The following ANKS1B variants were observed in gnomAD, a reference collection of about 807,000 sequenced individuals.
The protein encoded by ANKS1B is ankyrin repeat and sterile alpha motif domain-containing protein 1B.
In ANKS1B, 36 loss-of-function variants were observed where a neutral mutation model predicts 148.3. The ratio of observed to expected loss-of-function variants is 0.24; its 90% confidence interval spans 0.19 to 0.32. ANKS1B has a LOEUF of 0.32. Ranked by LOEUF, ANKS1B falls within the 10% of genes least tolerant of loss-of-function variation. The pLI is 1.00. For missense variants in ANKS1B, 1,157 were observed against 1,542.6 expected, an observed-to-expected ratio of 0.75 and a Z score of 4.19; for synonymous variants, 542 against 560.8, an observed-to-expected ratio of 0.97 and a Z score of 0.47.
In ANKS1B at chr12:99,718,704, T is replaced by C. The variant is rs563679824; in HGVS notation, c.1128+54218A>G. On this transcript the variant is annotated intron_variant, in intron 8 of 26. Coordinates refer to ENST00000683438, the MANE Select transcript of ANKS1B (RefSeq NM_001352186.2). ...TGCCAAACCCATATACTCTCCTATC[T>C]TCAATACCTCCCTCAACAACCCATT... 2.9e-3 allele frequency among the ~76,000 whole-genome samples: 441 copies of C among 152,310 alleles called. 1 individual carries two copies. Among genetic ancestry groups the C allele is most frequent in the Middle Eastern group, 0.014 (4 of 294 alleles).
At chr12:99,560,313 C>T (rs2097319807) in intron 9 of ANKS1B, among the ~76,000 whole-genome samples, 1 of 151,848 alleles carries the variant, frequency 6.6e-6, no homozygotes, top group South Asian at 2.1e-4. Context: ...CACACGTTAC[C>T]TCAATAGATA....
chr12:99,959,227 A>ATTTTTTATTT (rs2095370810), intron 1 of ANKS1B, among the ~76,000 whole-genome samples: 1 of 99,896 alleles, frequency 1.0e-5, no homozygotes, highest in Non-Finnish European at 1.9e-5. Context: ...CACCCAGTTA[A>ATTTTTTATTT]TTTTTTTTTT....
At chr12:98,907,574 G>A (rs957018262) in intron 17 of ANKS1B, among the ~76,000 whole-genome samples, 1 of 152,180 alleles carries the variant, frequency 6.6e-6, no homozygotes, top group African/African-American at 2.4e-5. Flanking sequence ...GTGGTGGTGG[G>A]GGAGTCTCGA....
At chr12:99,218,537 C>T (rs975039277) in intron 14 of ANKS1B, among the ~76,000 whole-genome samples, 5 of 152,152 alleles carry the variant, frequency 3.3e-5, no homozygotes, top group African/African-American at 1.2e-4. Context: ...ACCTCCTGAA[C>T]AATTCCTAAA....
chr12:98,766,783 G>A (rs867539589), intron 25 of ANKS1B, among the ~76,000 whole-genome samples: 1 of 151,780 alleles, frequency 6.6e-6, no homozygotes, highest in East Asian at 1.9e-4. Context: ...AAGTAATCTC[G>A]GCATTTAAAA....
At chr12:99,693,900 C>G (rs926448842) in intron 8 of ANKS1B, among the ~76,000 whole-genome samples, 4 of 151,258 alleles carry the variant, frequency 2.6e-5, no homozygotes, top group African/African-American at 9.7e-5. Flanking sequence ...CCTGCCTCAG[C>G]CTCCCGAGTA....
intron 21 of ANKS1B, 92 bp downstream of exon 21, chr12:98,800,905 A>G: frequency 7.1e-7 from 1 of 1,416,138 alleles, no homozygotes; most frequent in Non-Finnish European, 9.5e-7. Flanking sequence ...GGATATGGAT[A>G]TTTTGGTATA....
At chr12:99,681,578 G>C (rs2098617581) in intron 8 of ANKS1B, among the ~76,000 whole-genome samples, 1 of 152,142 alleles carries the variant, frequency 6.6e-6, no homozygotes, top group South Asian at 2.1e-4. Context: ...GCTAGACCCA[G>C]AAGAGAAATA....
intron 12 of ANKS1B, among the ~76,000 whole-genome samples, chr12:99,315,458 A>G (rs1188092908): frequency 1.3e-5 from 2 of 152,206 alleles, no homozygotes; most frequent in Non-Finnish European, 2.9e-5. Flanking sequence ...AAACATATGA[A>G]GAAAAGCTCA....
chr12:99,297,601 G>A (rs1365962073), intron 12 of ANKS1B, among the ~76,000 whole-genome samples: 1 of 152,178 alleles, frequency 6.6e-6, no homozygotes, highest in Non-Finnish European at 1.5e-5. Flanking sequence ...TTGCTTGAAG[G>A]AAAAGTCACA....
intron 1 of ANKS1B, among the ~76,000 whole-genome samples, chr12:99,856,276 T>C (rs1426895976): frequency 6.6e-6 from 1 of 152,146 alleles, no homozygotes. Context: ...CCAAGGCTAC[T>C]ATGAACACCT....
At chr12:99,677,982 T>A (rs10778004) in intron 8 of ANKS1B, among the ~76,000 whole-genome samples, 99,795 of 151,074 alleles carry the variant, frequency 0.66, 33,025 homozygotes, top group South Asian at 0.69. Flanking sequence ...CAAAAAAAAA[T>A]TTTTTTTCAG....
chr12:99,203,317 G>A (rs1216906343), intron 14 of ANKS1B, among the ~76,000 whole-genome samples: 1 of 152,030 alleles, frequency 6.6e-6, no homozygotes, highest in Non-Finnish European at 1.5e-5. Context: ...ACTCATCCTG[G>A]GCCCTTTGTC....
At chr12:99,851,706 A>G (rs2087876890) in intron 1 of ANKS1B, among the ~76,000 whole-genome samples, 1 of 152,164 alleles carries the variant, frequency 6.6e-6, no homozygotes, top group African/African-American at 2.4e-5. Flanking sequence ...TGATGTTGGT[A>G]ACCCAGACAA....
At chr12:99,979,246 C>T (rs1393266899) in intron 1 of ANKS1B, among the ~76,000 whole-genome samples, 1 of 151,636 alleles carries the variant, frequency 6.6e-6, no homozygotes, top group Non-Finnish European at 1.5e-5. Context: ...TGCAAGCAAA[C>T]ACAAAAAAAG....
chr12:99,984,049 T>C (rs2095747986), intron 1 of ANKS1B, 55 bp downstream of exon 1: 1 of 1,473,678 alleles, frequency 6.8e-7, no homozygotes, highest in Admixed American at 1.9e-5. Flanking sequence ...AGGACGTATA[T>C]CCATCACAAT....
intron 9 of ANKS1B, among the ~76,000 whole-genome samples, chr12:98,737,399 C>T (rs1266859884): frequency 6.6e-6 from 1 of 152,234 alleles, no homozygotes; most frequent in Non-Finnish European, 1.5e-5. Context: ...CCCTCAAGAG[C>T]TGAAGGGCTG....
At chr12:98,980,440 T>A (rs575315346) in intron 17 of ANKS1B, among the ~76,000 whole-genome samples, 1 of 152,340 alleles carries the variant, frequency 6.6e-6, no homozygotes, top group African/African-American at 2.4e-5. Context: ...TCTCCTGACC[T>A]CGTGATCTGC....
rs112134624 is a variant in ANKS1B at position 99,223,554 on chromosome 12, C to T, written c.2419+20788G>A. ...AGTCTATGCAGTTCACAAAAAGGTT[C>T]GCACTCCTATGAGAATCTAATGCTG... On this transcript the variant is annotated intron_variant, in intron 14 of 26. Coordinates refer to ENST00000683438, the MANE Select transcript of ANKS1B (RefSeq NM_001352186.2). Among the ~76,000 whole-genome samples the T allele has an allele frequency of 9.0e-3, 1,364 of 152,034 alleles. 24 individuals carry two copies. Among genetic ancestry groups the T allele is most frequent in the African/African-American group, 0.031 (1,288 of 41,454 alleles).
Sources: allele counts gnomAD v4.1 joint callset (sites outside exome capture counted in the v4.1 genomes callset), GRCh38; gene constraint gnomAD v4.1.1; transcripts MANE v1.5; gene names NCBI Gene and HGNC (gene_info 2026-07-23, HGNC 2026-07-21).